The following TRPM8 variants were observed in gnomAD, a reference collection of about 807,000 sequenced individuals.
TRPM8 encodes transient receptor potential cation channel subfamily M member 8.
A neutral mutation model predicts 133.7 loss-of-function variants in TRPM8; 110 were observed. The observed-to-expected ratio is 0.82, with a 90% CI of 0.70 to 0.96. The LOEUF (loss-of-function observed/expected upper bound fraction) is 0.96, where lower values mean the gene tolerates loss of function less well. TRPM8 is among the 40% of genes least tolerant of loss of function. The probability of loss-of-function intolerance (pLI) is 0.00; values close to 1 mark genes in which losing one functional copy is unlikely to be tolerated. For missense variants in TRPM8, 1,291 were observed against 1,379.5 expected (o/e 0.94, Z 1.02); for synonymous variants, 535 against 532.3 (o/e 1.01, Z -0.07).
intron 22 of TRPM8, among the ~76,000 whole-genome samples, chr2:234,001,548 A>C (rs1055784360): frequency 2.0e-5 from 3 of 152,228 alleles, no homozygotes; most frequent in Non-Finnish European, 4.4e-5. Context: ...AGTTCTGTAA[A>C]ACGCACACCA....
At chr2:233,949,148 G>C (rs1013975536) in intron 8 of TRPM8, among the ~76,000 whole-genome samples, 4 of 152,208 alleles carry the variant, frequency 2.6e-5, no homozygotes, top group African/African-American at 9.6e-5. Flanking sequence ...GACACTTGAG[G>C]CACACAGAGG....
At chr2:233,922,066 T>G (rs1255908068) in intron 1 of TRPM8, among the ~76,000 whole-genome samples, 2 of 152,032 alleles carry the variant, frequency 1.3e-5, no homozygotes, top group Admixed American at 6.5e-5. Flanking sequence ...TAACAGTCTA[T>G]TGTAAAGAGG....
At chr2:233,935,412 G>C (rs1455959370) in intron 3 of TRPM8, among the ~76,000 whole-genome samples, 4 of 152,306 alleles carry the variant, frequency 2.6e-5, no homozygotes, top group South Asian at 4.1e-4. Flanking sequence ...CTGCCAGAGG[G>C]GGATGCCTTT....
intron 8 of TRPM8, 77 bp from the exon 9 acceptor site, chr2:233,949,872 G>A: frequency 7.3e-7 from 1 of 1,370,686 alleles, no homozygotes. Context: ...CCTCCAGCTT[G>A]GCTCAGAACC....
chr2:233,968,218 C>G (rs906113404), intron 15 of TRPM8: 1 of 152,218 alleles, frequency 6.6e-6, no homozygotes, highest in African/African-American at 2.4e-5. Flanking sequence ...CGTTGCCCGC[C>G]ACCCCCGCAC....
At chr2:234,005,385 A>G (rs1187485579) in intron 22 of TRPM8, among the ~76,000 whole-genome samples, 3 of 151,888 alleles carry the variant, frequency 2.0e-5, no homozygotes, top group Non-Finnish European at 1.5e-5. Flanking sequence ...TTTTATTTTT[A>G]TTTTTTGGTC....
At chr2:233,946,071 C>A (rs368756233) in intron 7 of TRPM8, 41 bp downstream of exon 7, 2 of 1,552,938 alleles carry the variant, frequency 1.3e-6, no homozygotes, top group Non-Finnish European at 1.8e-6. Flanking sequence ...TGTACAATAA[C>A]CACAGCAGCC....
chr2:234,018,065 C>CT lies in TRPM8; in HGVS notation c.*809_*810insT, dbSNP rs900651525. Reference sequence around the variant, plus strand: ...GAGATGTAGAAAGAACATAAATTGTCCCCATTACCTTAAGGTAATCACTGC... The same window carrying CT: ...GAGATGTAGAAAGAACATAAATTGTCTCCCATTACCTTAAGGTAATCACTGC... On this transcript the variant is annotated 3_prime_UTR_variant, in exon 26 of 26. Coordinates refer to ENST00000324695, the MANE Select transcript of TRPM8 (RefSeq NM_024080.5). 2.7e-4 allele frequency: 30 copies of CT among 110,382 alleles called. No homozygotes were observed. The highest frequency in any genetic ancestry group is 4.8e-4 in the Non-Finnish European group (23 of 48,272). The allele number at this position is 110,382 out of a possible 1,614,324, so 6.8% of individuals were successfully genotyped here. A position where few individuals can be genotyped will look rare whatever the true frequency, so the allele number is the denominator to read the frequency against.
chr2:233,993,084 C>T (rs1292745051), intron 21 of TRPM8, among the ~76,000 whole-genome samples: 1 of 152,168 alleles, frequency 6.6e-6, no homozygotes, highest in Non-Finnish European at 1.5e-5. Context: ...TCAGCTGTAC[C>T]TCGGTGTATA....
At position 233,927,924 on chromosome 2, in the gene TRPM8, T is replaced by TTCTCTCTCTCTTTCTCTC. The variant is rs1691594138; in HGVS notation, c.117+1281_117+1282insTTCTCTCTCTCTCTCTCT. Among the ~76,000 whole-genome samples the TTCTCTCTCTCTTTCTCTC allele has an allele frequency of 6.1e-4, 17 of 28,054 alleles. 2 individuals are homozygous for TTCTCTCTCTCTTTCTCTC. Among genetic ancestry groups the TTCTCTCTCTCTTTCTCTC allele is most frequent in the Non-Finnish European group, 7.1e-4 (13 of 18,344 alleles). The allele number at this position is 28,054 out of a possible 152,430, so 18.4% of individuals were successfully genotyped here. A position where few individuals can be genotyped will look rare whatever the true frequency, so the allele number is the denominator to read the frequency against. ...TTTCTTTCTTTCTCTCTCTCTCTCTTTCTCTCTCTCTCTCTCTCTCTCTCT... is the reference window on the plus strand; with the variant it reads ...TTTCTTTCTTTCTCTCTCTCTCTCTTTCTCTCTCTCTTTCTCTCTCTCTCTCTCTCTCTCTCTCTCTCT... On this transcript the variant is annotated intron_variant, in intron 2 of 25. Coordinates refer to ENST00000324695, the MANE Select transcript of TRPM8 (RefSeq NM_024080.5).
chr2:233,983,343 C>A, intron 20 of TRPM8, 119 bp downstream of exon 20: 1 of 1,142,130 alleles, frequency 8.8e-7, no homozygotes, highest in Non-Finnish European at 1.3e-6. Flanking sequence ...CGGAGTCCAA[C>A]ATAACAGAGT....
At chr2:233,971,288 G>A (rs776061188) in intron 17 of TRPM8, among the ~76,000 whole-genome samples, 3 of 152,192 alleles carry the variant, frequency 2.0e-5, no homozygotes, top group Admixed American at 6.5e-5. Flanking sequence ...TCACTGACTC[G>A]TGTAAGAATC....
At chr2:233,997,672 C>T (rs771899930) in intron 22 of TRPM8, among the ~76,000 whole-genome samples, 2 of 152,130 alleles carry the variant, frequency 1.3e-5, no homozygotes, top group Non-Finnish European at 2.9e-5. Context: ...GTGGCTCCCC[C>T]CTACCCCAGC....
chr2:233,959,663 C>T (rs1340523873), intron 11 of TRPM8, among the ~76,000 whole-genome samples: 1 of 152,090 alleles, frequency 6.6e-6, no homozygotes, highest in Non-Finnish European at 1.5e-5. Flanking sequence ...TTTTGATGAA[C>T]TTTCTAATTT....
chr2:233,938,847 TG>T, intron 4 of TRPM8, 150 bp from the exon 5 acceptor site: 1 of 789,490 alleles, frequency 1.3e-6, no homozygotes, highest in Non-Finnish European at 1.9e-6. Flanking sequence ...GGCGCCCGCC[TG>T]GGACCCCCAA....
chr2:234,004,267 G>C (rs910608061), intron 22 of TRPM8, among the ~76,000 whole-genome samples: 3 of 152,236 alleles, frequency 2.0e-5, no homozygotes, highest in Non-Finnish European at 4.4e-5. Context: ...GACAACAGAA[G>C]GACAGGATCT....
rs139951002 is a variant in TRPM8, at chr2:233,985,866, G to A, written c.2939+1G>A. The A allele has an allele frequency of 1.9e-5, 30 of 1,610,352 alleles. No homozygotes were observed. Among genetic ancestry groups the A allele is most frequent in the East Asian group, 2.2e-5 (1 of 44,836 alleles). On this transcript the variant is annotated splice_donor_variant, in intron 21 of 25. Coordinates refer to ENST00000324695, the MANE Select transcript of TRPM8 (RefSeq NM_024080.5). LOFTEE classifies it high-confidence loss of function. ...TCAACCTGCTGGTCGCCATGTTTGGGTATGTGTTCAGTCACATGTTCACTG... is the reference window on the plus strand; with the variant it reads ...TCAACCTGCTGGTCGCCATGTTTGGATATGTGTTCAGTCACATGTTCACTG...
chr2:234,004,771 G>C (rs1017979108), intron 22 of TRPM8, among the ~76,000 whole-genome samples: 1 of 152,234 alleles, frequency 6.6e-6, no homozygotes, highest in Non-Finnish European at 1.5e-5. Context: ...CCACCATCCA[G>C]AGGTAAATAT....
chr2:233,984,798 A>T (rs1434487452), intron 20 of TRPM8, among the ~76,000 whole-genome samples: 1 of 152,114 alleles, frequency 6.6e-6, no homozygotes, highest in Non-Finnish European at 1.5e-5. Flanking sequence ...AGATTTTAAA[A>T]ATAGGCCGGG....
Sources: allele counts gnomAD v4.1 joint callset (sites outside exome capture counted in the v4.1 genomes callset), GRCh38; gene constraint gnomAD v4.1.1; transcripts MANE v1.5; gene names NCBI Gene and HGNC (gene_info 2026-07-23, HGNC 2026-07-21).